Variants in NR2C2 observed in about 807,000 individuals in gnomAD.
The protein encoded by NR2C2 is Nuclear hormone receptor TR4.
Under a neutral mutation model 62.9 loss-of-function variants are expected in NR2C2, and 6 were observed. That is an observed-to-expected ratio of 0.10 (90% CI 0.05 to 0.19). The LOEUF is 0.19. NR2C2 is among the 10% of genes least tolerant of loss of function. The pLI is 1.00. For missense variants in NR2C2, 479 were observed against 762.7 expected (o/e 0.63, Z 4.38); for synonymous variants, 272 against 273.8 (o/e 0.99, Z 0.07).
At chr3:14,993,346 C>T (rs1281081325) in intron 1 of NR2C2, among the ~76,000 whole-genome samples, 3 of 151,390 alleles carry the variant, frequency 2.0e-5, no homozygotes, top group South Asian at 2.1e-4. Flanking sequence ...CCCAGCTGCT[C>T]GGGAGGCTGA....
intron 2 of NR2C2, among the ~76,000 whole-genome samples, chr3:15,004,905 G>C (rs538491879): frequency 9.2e-4 from 140 of 152,034 alleles, no homozygotes; most frequent in African/African-American, 3.0e-3. Flanking sequence ...TGCTTTCTTG[G>C]TTGCTTGCTT....
intron 1 of NR2C2, among the ~76,000 whole-genome samples, chr3:15,002,542 G>T (rs529117432): frequency 8.9e-4 from 133 of 150,260 alleles, no homozygotes; most frequent in African/African-American, 2.9e-3. Context: ...TTCTTTTCCT[G>T]TGATGTCTTT....
intron 1 of NR2C2, among the ~76,000 whole-genome samples, chr3:14,993,222 G>T (rs1333208481): frequency 6.6e-6 from 1 of 152,194 alleles, no homozygotes; most frequent in Admixed American, 6.5e-5. Flanking sequence ...GGGAGGCCAA[G>T]ACAGGCGGAT....
intron 7 of NR2C2, chr3:15,025,528 AAAC>A (rs1299681984): frequency 9.9e-5 from 15 of 152,242 alleles, no homozygotes; most frequent in Admixed American, 4.6e-4. Context: ...TGTACAATGG[AAAC>A]AACAATACCC....
chr3:14,969,440 A>G (rs1046155197), intron 1 of NR2C2, among the ~76,000 whole-genome samples: 6 of 152,078 alleles, frequency 3.9e-5, no homozygotes, highest in Admixed American at 1.3e-4. Flanking sequence ...ATGGGGTTTC[A>G]CTGTGTTGGC....
intron 13 of NR2C2, among the ~76,000 whole-genome samples, chr3:15,041,891 C>G (rs761267965): frequency 6.6e-6 from 1 of 152,118 alleles, no homozygotes; most frequent in African/African-American, 2.4e-5. Context: ...TGTCCAGATA[C>G]CTACTATTAA....
At chr3:15,024,000 A>G in intron 6 of NR2C2, 115 bp from the exon 7 acceptor site, 1 of 744,432 alleles carries the variant, frequency 1.3e-6, no homozygotes, top group Non-Finnish European at 2.3e-6. Context: ...GTCTACTTAG[A>G]GCTTTTCTAC....
At chr3:15,022,322 C>G (rs2041690417) in intron 5 of NR2C2, among the ~76,000 whole-genome samples, 1 of 151,610 alleles carries the variant, frequency 6.6e-6, no homozygotes, top group Non-Finnish European at 1.5e-5. Context: ...AAGGGTTCCT[C>G]TACAAATTGT....
intron 7 of NR2C2, among the ~76,000 whole-genome samples, chr3:15,027,407 C>G (rs1167194392): frequency 6.6e-6 from 1 of 152,240 alleles, no homozygotes; most frequent in Non-Finnish European, 1.5e-5. Context: ...TAGGAAGGTT[C>G]TCATTTCTCC....
rs2042462053 is a variant in NR2C2 at position 15,046,627 on chromosome 3, C to T, written c.*3619C>T. On this transcript the variant is annotated 3_prime_UTR_variant, in exon 14 of 14. Transcript: ENST00000425241. The stretch of plus-strand genomic sequence containing the variant: ...TTCTGGGACCTGATCTCATTGGAGT[C>T]CAGAAGCTTGTTGCCCACTTTCCAG... 1 of 152,298 alleles carries T rather than the reference C, an allele frequency of 6.6e-6. No homozygotes were observed. The highest frequency in any genetic ancestry group is 6.5e-5 in the Admixed American group (1 of 15,282). 9.4% of individuals were successfully genotyped at this position (152,298 alleles called of 1,614,324 possible).
rs1305041679 is a variant in NR2C2, at chr3:15,044,455, T to G, written c.*1447T>G. 6.6e-6 allele frequency: 1 copy of G among 152,182 alleles called. No homozygotes were observed. Among genetic ancestry groups the G allele is most frequent in the Non-Finnish European group, 1.5e-5 (1 of 68,038 alleles). The allele number at this position is 152,182 out of a possible 1,614,324, so 9.4% of individuals were successfully genotyped here. A position where few individuals can be genotyped will look rare whatever the true frequency, so the allele number is the denominator to read the frequency against. On this transcript the variant is annotated 3_prime_UTR_variant, in exon 14 of 14. Coordinates refer to ENST00000425241, the MANE Select transcript of NR2C2 (RefSeq NM_001291694.2). ...ACCAGAGTTTACAGCAAGAACAGTA[T>G]GCGCTTAAAAGGAAGTTATGTCTAA...
intron 1 of NR2C2, among the ~76,000 whole-genome samples, chr3:14,951,562 C>T (rs945570627): frequency 1.3e-5 from 2 of 151,916 alleles, no homozygotes; most frequent in Non-Finnish European, 2.9e-5. Flanking sequence ...GCTAATTACT[C>T]AGGGTAACCA....
At chr3:14,969,396 C>A (rs2039970649) in intron 1 of NR2C2, among the ~76,000 whole-genome samples, 1 of 152,016 alleles carries the variant, frequency 6.6e-6, no homozygotes, top group African/African-American at 2.4e-5. Context: ...GCACGTGCCA[C>A]CACACCCAGC....
intron 2 of NR2C2, among the ~76,000 whole-genome samples, chr3:15,010,176 G>A (rs929335779): frequency 3.9e-5 from 6 of 152,052 alleles, no homozygotes; most frequent in African/African-American, 1.4e-4. Flanking sequence ...AATTTGATGT[G>A]TCCTCTAGGT....
At chr3:15,007,814 T>G (rs1247929855) in intron 2 of NR2C2, among the ~76,000 whole-genome samples, 1 of 152,234 alleles carries the variant, frequency 6.6e-6, no homozygotes, top group African/African-American at 2.4e-5. Context: ...CCTGTCATGT[T>G]CTGGGCAGTG....
At chr3:15,002,850 G>GT (rs2041056596) in intron 1 of NR2C2, among the ~76,000 whole-genome samples, 1 of 150,726 alleles carries the variant, frequency 6.6e-6, no homozygotes, top group Non-Finnish European at 1.5e-5. Context: ...TAGAGACAGG[G>GT]TTTTACCATG....
intron 1 of NR2C2, among the ~76,000 whole-genome samples, chr3:14,988,156 G>C (rs1363664311): frequency 1.3e-5 from 2 of 152,220 alleles, no homozygotes; most frequent in African/African-American, 4.8e-5. Flanking sequence ...CTGCAGCTTG[G>C]AACAACACCC....
chr3:15,018,548 G>T (rs1389965372), intron 4 of NR2C2, among the ~76,000 whole-genome samples: 13 of 152,144 alleles, frequency 8.5e-5, no homozygotes, highest in Admixed American at 8.5e-4. Context: ...ATCACCACAT[G>T]AGGTATCACC....
Position 15,043,184 on chromosome 3 carries a change from T to G in NR2C2, c.*176T>G. ...GCAATTAAAAGACTAGTAGGATCCTTTCCTGACATAAGAAATGTTTTAATG... is the reference window on the plus strand; with the variant it reads ...GCAATTAAAAGACTAGTAGGATCCTGTCCTGACATAAGAAATGTTTTAATG... On this transcript the variant is annotated 3_prime_UTR_variant, in exon 14 of 14. Transcript: ENST00000425241. 3 of 441,180 alleles carry G rather than the reference T, an allele frequency of 6.8e-6. No homozygotes were observed. Among genetic ancestry groups the G allele is most frequent in the Admixed American group, 4.4e-5 (1 of 22,934 alleles). The allele number at this position is 441,180 out of a possible 1,614,324, so 27.3% of individuals were successfully genotyped here.
Sources: allele counts gnomAD v4.1 joint callset (sites outside exome capture counted in the v4.1 genomes callset), GRCh38; gene constraint gnomAD v4.1.1; transcripts MANE v1.5; gene names NCBI Gene and HGNC (gene_info 2026-07-23, HGNC 2026-07-21).